COL23A1: variants seen among roughly 807,000 people sequenced by gnomAD.
The protein encoded by COL23A1 is collagen alpha-1(XXIII) chain.
COL23A1 carries 97 observed loss-of-function variants against 99.3 expected under a neutral mutation model. The observed-to-expected ratio is 0.98, with a 90% CI of 0.83 to 1.16. The LOEUF (loss-of-function observed/expected upper bound fraction) is 1.16, where lower values mean the gene tolerates loss of function less well. Ranked by LOEUF, COL23A1 falls within the 50% of genes most tolerant of loss-of-function variation. The probability of loss-of-function intolerance (pLI) is 0.00; values close to 1 mark genes in which losing one functional copy is unlikely to be tolerated. For synonymous variants in COL23A1, 320 were observed against 308.2 expected (o/e 1.04, Z -0.40); for missense variants, 762 against 757.4 (o/e 1.01, Z -0.07).
At chr5:178,563,104 GCACT>G (rs1203953458) in intron 1 of COL23A1, among the ~76,000 whole-genome samples, 1 of 152,136 alleles carries the variant, frequency 6.6e-6, no homozygotes, top group East Asian at 1.9e-4. Flanking sequence ...GCCTTTAGGC[GCACT>G]CACTCCTCCA....
intron 14 of COL23A1, 107 bp downstream of exon 14, chr5:178,256,759 T>C: frequency 1.8e-6 from 2 of 1,136,210 alleles, no homozygotes; most frequent in Non-Finnish European, 2.5e-6. Flanking sequence ...CAGGCCCTCC[T>C]GGGACTTAAA....
In COL23A1 at chr5:178,324,637, C is replaced by T. The variant is rs142465545; in HGVS notation, c.362-17718G>A. 6.6e-4 allele frequency among the ~76,000 whole-genome samples: 101 copies of T among 152,316 alleles called. 1 individual carries two copies. Among genetic ancestry groups the T allele is most frequent in the African/African-American group, 2.4e-3 (98 of 41,576 alleles). On this transcript the variant is annotated intron_variant, in intron 2 of 28. Coordinates refer to ENST00000390654, the MANE Select transcript of COL23A1 (RefSeq NM_173465.4). ...ACCAAGGGAGGGCGAGTCACTGGCC[C>T]GAGGCCACACACACCACAAGGCTGG...
In COL23A1 at chr5:178,528,193, C is replaced by T. The variant is rs117009513; in HGVS notation, c.361+32489G>A. ...ACCTCCTGGAAACCCTTGCCCCTCA[C>T]CTGTGACAAGTCCTGGCTTAAATAT... On this transcript the variant is annotated intron_variant, in intron 2 of 28. Transcript: ENST00000390654. Among the ~76,000 whole-genome samples the T allele has an allele frequency of 1.6e-4, 24 of 152,322 alleles. No homozygotes were observed. The East Asian group carries it at 4.6e-3, about 29-fold the overall frequency.
At position 178,387,228 on chromosome 5, in the gene COL23A1, C is replaced by T. The variant is rs1463631379; in HGVS notation, c.362-80309G>A. Among the ~76,000 whole-genome samples, 1 of 152,148 alleles carries T rather than the reference C, an allele frequency of 6.6e-6. No homozygotes were observed. The highest frequency in any genetic ancestry group is 2.4e-5 in the African/African-American group (1 of 41,436). ...TCAATGGCCCCCACACACAGCCTCA[C>T]CGAGGAAAGCCACGTTCTGTAGCCT... On this transcript the variant is annotated intron_variant, in intron 2 of 28. Transcript: ENST00000390654. The surrounding 1 kb of genome is among the most constrained non-coding windows in gnomAD (Gnocchi z 4.7).
chr5:178,274,512 G>A (rs1256199152), intron 5 of COL23A1, among the ~76,000 whole-genome samples: 1 of 152,146 alleles, frequency 6.6e-6, no homozygotes. Context: ...GAGCAGCTGG[G>A]CGGTCTGGAA....
intron 2 of COL23A1, among the ~76,000 whole-genome samples, chr5:178,338,398 C>A (rs1760465143): frequency 6.6e-6 from 1 of 152,318 alleles, no homozygotes; most frequent in South Asian, 2.1e-4. Flanking sequence ...ATCCCACAAC[C>A]CACAGGACTC....
intron 2 of COL23A1, among the ~76,000 whole-genome samples, chr5:178,546,246 TG>T (rs1171425421): frequency 1.3e-5 from 2 of 152,084 alleles, no homozygotes; most frequent in Non-Finnish European, 2.9e-5. Context: ...GTTCCCGAGG[TG>T]GGGGTATCAC....
chr5:178,364,551 C>G (rs578069769), intron 2 of COL23A1, among the ~76,000 whole-genome samples: 2 of 151,776 alleles, frequency 1.3e-5, no homozygotes, highest in Non-Finnish European at 2.9e-5. Flanking sequence ...CCTCACGGGC[C>G]GTCTTCCTAA....
chr5:178,504,713 C>A (rs1234014125), intron 2 of COL23A1, among the ~76,000 whole-genome samples: 1 of 152,164 alleles, frequency 6.6e-6, no homozygotes, highest in East Asian at 1.9e-4. Context: ...AGTGCGCTGG[C>A]CAACAGTGTG....
rs1372729788 is a variant in COL23A1, at chr5:178,340,520, T to C, written c.362-33601A>G. Among the ~76,000 whole-genome samples, 2 of 152,112 alleles carry C rather than the reference T, an allele frequency of 1.3e-5. No homozygotes were observed. The highest frequency in any genetic ancestry group is 1.5e-5 in the Non-Finnish European group (1 of 68,014). ...TGGGCTGCTCCGTTTGGTCAGAGCT[T>C]CTCAAATCCCTGGTGCATGCGAACC... On this transcript the variant is annotated intron_variant, in intron 2 of 28. Coordinates refer to ENST00000390654, the MANE Select transcript of COL23A1 (RefSeq NM_173465.4). The surrounding 1 kb of genome is among the most constrained non-coding windows in gnomAD (Gnocchi z 4.7).
In COL23A1 at chr5:178,415,484, C is replaced by T. The variant is rs539449371; in HGVS notation, c.362-108565G>A. Among the ~76,000 whole-genome samples the T allele has an allele frequency of 5.6e-4, 85 of 152,302 alleles. No individual in the cohort carries two copies. The highest frequency in any genetic ancestry group is 1.8e-3 in the African/African-American group (76 of 41,562). On this transcript the variant is annotated intron_variant, in intron 2 of 28. Coordinates refer to ENST00000390654, the MANE Select transcript of COL23A1 (RefSeq NM_173465.4). This position sits in a 1 kb window ranked among gnomAD's most constrained non-coding sequence, Gnocchi z 4.6. Reference sequence around the variant, plus strand: ...TCACCCTGCTGCCTCTCTGCACAGGCTTGCTGCTGCCAGCCGGCCTCCACG... The same window carrying T: ...TCACCCTGCTGCCTCTCTGCACAGGTTTGCTGCTGCCAGCCGGCCTCCACG...
intron 2 of COL23A1, among the ~76,000 whole-genome samples, chr5:178,539,938 A>T (rs1761199394): frequency 6.6e-6 from 1 of 152,228 alleles, no homozygotes; most frequent in African/African-American, 2.4e-5. Flanking sequence ...TATTCCAGGA[A>T]TGCAAGCGTG....
At chr5:178,377,014 C>T (rs1024073590) in intron 2 of COL23A1, among the ~76,000 whole-genome samples, 4 of 152,222 alleles carry the variant, frequency 2.6e-5, no homozygotes, top group Admixed American at 6.5e-5. Context: ...TACTCATCAC[C>T]TCTTGAAGGG....
intron 16 of COL23A1, among the ~76,000 whole-genome samples, chr5:178,254,224 G>T (rs903586580): frequency 2.0e-5 from 3 of 152,202 alleles, no homozygotes; most frequent in African/African-American, 7.2e-5. Context: ...CACAAGGCTA[G>T]GTCAGCCTGG....
At chr5:178,239,095 C>T (rs1393658993) in intron 28 of COL23A1, 46 bp downstream of exon 28, 4 of 1,601,654 alleles carry the variant, frequency 2.5e-6, no homozygotes, top group Middle Eastern at 1.7e-4. Flanking sequence ...CCCCCACCCT[C>T]CCCTGCCTCT....
At position 178,460,765 on chromosome 5, in the gene COL23A1, C is replaced by T. The variant is rs886865402; in HGVS notation, c.361+99917G>A. 8.5e-5 allele frequency among the ~76,000 whole-genome samples: 13 copies of T among 152,248 alleles called. No individual in the cohort carries two copies. The South Asian group carries it at 2.7e-3, about 32-fold the overall frequency. On this transcript the variant is annotated intron_variant, in intron 2 of 28. Coordinates refer to ENST00000390654, the MANE Select transcript of COL23A1 (RefSeq NM_173465.4). ...GGCATGCATGGACATTTTTTGGCCT[C>T]CACATTTTATAAAAGGTCTTACCAG...
rs1457107064 is a variant in COL23A1 at position 178,468,130 on chromosome 5, G to A, written c.361+92552C>T. 6.6e-6 allele frequency among the ~76,000 whole-genome samples: 1 copy of A among 152,214 alleles called. No homozygotes were observed. Among genetic ancestry groups the A allele is most frequent in the Non-Finnish European group, 1.5e-5 (1 of 68,040 alleles). ...CTGGAAAAGATGGTGAGAAATCTGA[G>A]TGCCAGAAAGAGAGCGCCGGCTTTG... On this transcript the variant is annotated intron_variant, in intron 2 of 28. Transcript: ENST00000390654. This position sits in a 1 kb window ranked among gnomAD's most constrained non-coding sequence, Gnocchi z 4.2.
intron 2 of COL23A1, among the ~76,000 whole-genome samples, chr5:178,450,440 G>C (rs535152049): frequency 1.3e-5 from 2 of 152,310 alleles, no homozygotes; most frequent in Admixed American, 1.3e-4. Context: ...GATGACCCAG[G>C]AGTAGGAGCT....
At chr5:178,577,460 G>A (rs1395404615) in intron 1 of COL23A1, among the ~76,000 whole-genome samples, 1 of 152,228 alleles carries the variant, frequency 6.6e-6, no homozygotes, top group African/African-American at 2.4e-5. Context: ...CCATGACACC[G>A]CCACCTCGGC....
Sources: gnomAD v4.1 joint callset for allele counts (sites outside exome capture counted in the v4.1 genomes callset) on GRCh38, gnomAD v4.1.1 for gene constraint, Gnocchi (gnomAD v3.1) non-coding constraint, MANE v1.5 for transcripts, NCBI Gene and HGNC (gene_info 2026-07-23, HGNC 2026-07-21) for gene names.